The following HECW1 variants were observed in gnomAD, a reference collection of about 807,000 sequenced individuals.
HECW1 encodes E3 ubiquitin-protein ligase HECW1.
HECW1 carries 61 observed loss-of-function variants against 182.3 expected under a neutral mutation model. That is an observed-to-expected ratio of 0.33 (90% confidence interval 0.27 to 0.41). The LOEUF is 0.41. Among genes scored for constraint, HECW1 ranks in the 10% least tolerant of loss-of-function variants. The pLI, the probability that HECW1 is intolerant of heterozygous loss-of-function variation, is 1.00. For synonymous variants in HECW1, 859 were observed against 832.6 expected (o/e 1.03, Z -0.55); for missense variants, 1,739 against 2,108.9 (o/e 0.82, Z 3.44).
chr7:43,193,387 T>C (rs1794125014), intron 2 of HECW1, among the ~76,000 whole-genome samples: 1 of 152,096 alleles, frequency 6.6e-6, no homozygotes, highest in African/African-American at 2.4e-5. Context: ...CTTCACGTGT[T>C]TTCTTTTTTT....
At chr7:43,495,830 ATGT>A (rs1173718842) in intron 19 of HECW1, among the ~76,000 whole-genome samples, 2 of 152,082 alleles carry the variant, frequency 1.3e-5, no homozygotes, top group Non-Finnish European at 2.9e-5. Flanking sequence ...ATTTCCAGGG[ATGT>A]TGTATTATCT....
chr7:43,445,187 G>C lies in HECW1; in HGVS notation c.2015G>C (p.Gly672Ala), dbSNP rs1457137186. 5 of 1,612,438 alleles carry C rather than the reference G, an allele frequency of 3.1e-6. No homozygotes were observed. The highest frequency in any genetic ancestry group is 1.1e-5 in the South Asian group (1 of 91,050). Residue 672 changes from glycine (G) to alanine (A), a missense_variant, in exon 11 of 30, where the codon GGC (glycine) becomes GCC (alanine). Physicochemically the swap from Gly to Ala is moderately conservative, Grantham distance 60 (BLOSUM62 0). Transcript: ENST00000395891. ...CAAGGCGGGGACCACAGTTGCGAGG[G>C]CTGTGACGCGTCCTGCTGCAGCCCC... ...PRQGGDHSCEGCDASCCSPSC... is the reference protein window; with the variant it reads ...PRQGGDHSCEACDASCCSPSC...
At chr7:43,486,355 G>A (rs2078639207) in intron 17 of HECW1, among the ~76,000 whole-genome samples, 1 of 151,930 alleles carries the variant, frequency 6.6e-6, no homozygotes, top group African/African-American at 2.4e-5. Context: ...GGCACGGAGT[G>A]CAATGGCACG....
intron 2 of HECW1, among the ~76,000 whole-genome samples, chr7:43,189,074 G>A (rs1403266460): frequency 1.3e-5 from 2 of 152,196 alleles, no homozygotes; most frequent in African/African-American, 4.8e-5. Context: ...TGAGTTGAAT[G>A]CTTACAGAGG....
chr7:43,466,094 G>C (rs994501339), intron 14 of HECW1, among the ~76,000 whole-genome samples: 1 of 142,264 alleles, frequency 7.0e-6, no homozygotes, highest in Non-Finnish European at 1.5e-5. Context: ...AGAAGAAAGA[G>C]AAAGAAGGAA....
intron 2 of HECW1, among the ~76,000 whole-genome samples, chr7:43,179,626 A>G (rs1280599157): frequency 2.0e-5 from 3 of 152,252 alleles, no homozygotes; most frequent in East Asian, 1.9e-4. Context: ...CAAGGTTTAT[A>G]CTTTTTAGTT....
At chr7:43,278,480 G>A (rs186701336) in intron 3 of HECW1, among the ~76,000 whole-genome samples, 10 of 152,172 alleles carry the variant, frequency 6.6e-5, no homozygotes, top group Admixed American at 3.9e-4. Flanking sequence ...CATGCGGCCC[G>A]TTCTCATCAC....
intron 2 of HECW1, among the ~76,000 whole-genome samples, chr7:43,159,481 T>C (rs1441654404): frequency 1.3e-5 from 2 of 152,084 alleles, no homozygotes; most frequent in African/African-American, 4.8e-5. Flanking sequence ...TCTTTATACA[T>C]TGATATATTA....
Position 43,222,084 on chromosome 7 carries a change from C to T in HECW1, c.-31-21791C>T, listed in dbSNP as rs78620518. Among the ~76,000 whole-genome samples, 64 of 152,260 alleles carry T rather than the reference C, an allele frequency of 4.2e-4. No homozygotes were observed. In the East Asian group the frequency reaches 0.012, roughly 28 times the overall value. ...TATGGACGTTAAGGTTTAAAAGTTC[C>T]TCTAGGCCAGCGTTCCTCAACTGTC... On this transcript the variant is annotated intron_variant, in intron 2 of 29. Transcript: ENST00000395891.
intron 26 of HECW1, among the ~76,000 whole-genome samples, chr7:43,547,974 C>T (rs1197537578): frequency 1.3e-5 from 2 of 152,126 alleles, no homozygotes; most frequent in South Asian, 2.1e-4. Context: ...TTGCGTTCAT[C>T]GCAAAAAACA....
In HECW1 at chr7:43,376,409, C is replaced by T. The variant is rs116297481; in HGVS notation, c.555+15429C>T. ...CCCTGGGATGGGGGTAGCCAGCCAG[C>T]GTCTGGGCTATGTGGATTCTCCAGG... On this transcript the variant is annotated intron_variant, in intron 6 of 29. Coordinates refer to ENST00000395891, the MANE Select transcript of HECW1 (RefSeq NM_015052.5). 4.1e-3 allele frequency among the ~76,000 whole-genome samples: 627 copies of T among 152,228 alleles called. 3 individuals are homozygous for T. The highest frequency in any genetic ancestry group is 0.014 in the African/African-American group (595 of 41,544).
intron 6 of HECW1, among the ~76,000 whole-genome samples, chr7:43,363,938 G>A (rs952600684): frequency 6.6e-6 from 1 of 152,180 alleles, no homozygotes; most frequent in Non-Finnish European, 1.5e-5. Context: ...GGTTAAATAA[G>A]CCTTTGCAGT....
chr7:43,535,103 C>T (rs1314817370), intron 24 of HECW1, among the ~76,000 whole-genome samples: 1 of 152,222 alleles, frequency 6.6e-6, no homozygotes, highest in African/African-American at 2.4e-5. Context: ...GGCAGCCTAA[C>T]ATCAGACCTT....
chr7:43,418,059 G>A (rs1028583520), intron 8 of HECW1, among the ~76,000 whole-genome samples: 5 of 152,154 alleles, frequency 3.3e-5, no homozygotes, highest in African/African-American at 1.2e-4. Flanking sequence ...CTCCAGTGAT[G>A]TAGGCAATTC....
chr7:43,478,680 AG>A (rs1450280481), intron 16 of HECW1, among the ~76,000 whole-genome samples: 1 of 152,050 alleles, frequency 6.6e-6, no homozygotes, highest in Admixed American at 6.5e-5. Flanking sequence ...AAAACTAAGG[AG>A]GAAAAAATCA....
rs3214629 is a variant in HECW1 at position 43,565,676 on chromosome 7, TA to T, written c.*3752del. The T allele has an allele frequency of 0.01, 1,851 of 181,166 alleles. 87 individuals are homozygous for T. Among genetic ancestry groups the T allele is most frequent in the Admixed American group, 0.072 (1,147 of 15,876 alleles). The allele number at this position is 181,166 out of a possible 1,614,324, so 11.2% of individuals were successfully genotyped here. A position where few individuals can be genotyped will look rare whatever the true frequency, so the allele number is the denominator to read the frequency against. ...TCTGGGATGGATGTTCCAGCCATCA[TA>T]AGGTCCAAAAGAAAAGAGAAAGTGT... On this transcript the variant is annotated 3_prime_UTR_variant, in exon 30 of 30. Transcript: ENST00000395891.
chr7:43,515,366 A>G (rs1410887683), intron 24 of HECW1, among the ~76,000 whole-genome samples: 1 of 152,214 alleles, frequency 6.6e-6, no homozygotes, highest in Admixed American at 6.5e-5. Flanking sequence ...AACTCTGGTT[A>G]CAAGTGGAAG....
intron 7 of HECW1, among the ~76,000 whole-genome samples, chr7:43,404,964 GA>G (rs2075556392): frequency 6.7e-6 from 1 of 150,130 alleles, no homozygotes; most frequent in Non-Finnish European, 1.5e-5. Context: ...CAACAAGAGT[GA>G]AACTCCATGT....
chr7:43,548,302 G>A (rs180758439), intron 26 of HECW1, among the ~76,000 whole-genome samples: 17 of 151,514 alleles, frequency 1.1e-4, no homozygotes, highest in African/African-American at 1.9e-4. Flanking sequence ...GGTCATCTGC[G>A]AGTTTTTTCA....
Sources: allele counts gnomAD v4.1 joint callset (sites outside exome capture counted in the v4.1 genomes callset), GRCh38; gene constraint gnomAD v4.1.1; transcripts MANE v1.5; gene names NCBI Gene and HGNC (gene_info 2026-07-23, HGNC 2026-07-21).